The following ROR1 variants were observed in gnomAD, a reference collection of about 807,000 sequenced individuals.
The protein encoded by ROR1 is inactive tyrosine-protein kinase transmembrane receptor ROR1.
A neutral mutation model predicts 78.8 loss-of-function variants in ROR1; 19 were observed. The ratio of observed to expected loss-of-function variants is 0.24; its 90% CI spans 0.17 to 0.35. The LOEUF (loss-of-function observed/expected upper bound fraction) is 0.35. ROR1 is among the 10% of genes least tolerant of loss of function. The probability of loss-of-function intolerance (pLI) is 1.00; values close to 1 mark genes in which losing one functional copy is unlikely to be tolerated. For synonymous variants in ROR1, 386 were observed against 433.6 expected (o/e 0.89, Z 1.36); for missense variants, 917 against 1,177.8 (o/e 0.78, Z 3.24).
intron 1 of ROR1, among the ~76,000 whole-genome samples, chr1:63,895,889 A>T (rs1645435348): frequency 6.6e-6 from 1 of 152,116 alleles, no homozygotes; most frequent in Non-Finnish European, 1.5e-5. Context: ...TGCTCAGAAA[A>T]TAATACCCAG....
rs566669725 is a variant in ROR1, at chr1:64,050,114, A to G, written c.451+136A>G. ...CTGTGCCCACAACCCTAAACCTGGTATGGTTGTACCCATTTTACAAATAAG... is the reference window on the plus strand; with the variant it reads ...CTGTGCCCACAACCCTAAACCTGGTGTGGTTGTACCCATTTTACAAATAAG... On this transcript the variant is annotated intron_variant, in intron 3 of 8. Coordinates refer to ENST00000371079, the MANE Select transcript of ROR1 (RefSeq NM_005012.4). 9.6e-5 allele frequency: 95 copies of G among 987,212 alleles called. 1 individual carries two copies. The South Asian group carries it at 1.5e-3, about 15-fold the overall frequency. The allele number at this position is 987,212 out of a possible 1,614,324, so 61.2% of individuals were successfully genotyped here.
chr1:64,091,317 C>G (rs1041784646), intron 4 of ROR1, among the ~76,000 whole-genome samples: 11 of 152,176 alleles, frequency 7.2e-5, no homozygotes, highest in African/African-American at 2.7e-4. Flanking sequence ...AAAACAATAA[C>G]ATGTTTCTTT....
chr1:63,895,728 G>A (rs75123150), intron 1 of ROR1, among the ~76,000 whole-genome samples: 2,000 of 152,222 alleles, frequency 0.013, 46 homozygotes, highest in African/African-American at 0.047. Context: ...ATCATTAACC[G>A]TGAACATTTA....
At chr1:64,147,358 G>T (rs182702060) in intron 7 of ROR1, among the ~76,000 whole-genome samples, 1 of 146,602 alleles carries the variant, frequency 6.8e-6, no homozygotes, top group East Asian at 1.9e-4. Flanking sequence ...TCACCACTTA[G>T]ATTTTTTTTT....
At chr1:64,031,569 A>G (rs1646659860) in intron 2 of ROR1, among the ~76,000 whole-genome samples, 2 of 152,344 alleles carry the variant, frequency 1.3e-5, no homozygotes, top group Non-Finnish European at 2.9e-5. Context: ...GTCTCTTCAT[A>G]CAAATGGATC....
chr1:64,117,019 C>T lies in ROR1; in HGVS notation c.483-20350C>T, dbSNP rs900855796. On this transcript the variant is annotated intron_variant, in intron 4 of 8. Transcript: ENST00000371079. The stretch of plus-strand genomic sequence containing the variant: ...AAGTCTAACCTGCCTTTTGAACCCT[C>T]TATGTAGTGCTATAAAATAAATATG... 6.6e-5 allele frequency among the ~76,000 whole-genome samples: 10 copies of T among 152,292 alleles called. No homozygotes were observed. In the South Asian group the frequency reaches 2.1e-3, roughly 32 times the overall value.
chr1:64,087,945 C>G (rs17126184), intron 4 of ROR1, among the ~76,000 whole-genome samples: 22,699 of 152,150 alleles, frequency 0.15, 1,782 homozygotes, highest in Middle Eastern at 0.2. Flanking sequence ...AAGGCCAGTA[C>G]ACTGGGTGGC....
At chr1:64,050,082 ATGTACTCTG>A in intron 3 of ROR1, 104 bp downstream of exon 3, 2 of 1,293,024 alleles carry the variant, frequency 1.5e-6, no homozygotes, top group Non-Finnish European at 2.2e-6. Flanking sequence ...CTTAGTGAGA[ATGTACTCTG>A]TGCCCACAAC....
chr1:64,146,086 T>A (rs1649465110), intron 7 of ROR1, among the ~76,000 whole-genome samples: 1 of 152,198 alleles, frequency 6.6e-6, no homozygotes, highest in South Asian at 2.1e-4. Context: ...GGCTGGTCTC[T>A]AACTCCTGGG....
intron 4 of ROR1, chr1:64,107,009 C>T (rs1041786447): frequency 2.0e-5 from 3 of 152,504 alleles, no homozygotes; most frequent in African/African-American, 2.4e-5. Flanking sequence ...TTTCACAAGT[C>T]GTGTTACCCC....
chr1:63,867,107 A>T (rs927916268), intron 1 of ROR1, among the ~76,000 whole-genome samples: 1 of 152,054 alleles, frequency 6.6e-6, no homozygotes, highest in Admixed American at 6.6e-5. Flanking sequence ...CTGTATGGGG[A>T]CCTCTTTCTT....
At chr1:63,780,112 C>T (rs1174351703) in intron 1 of ROR1, among the ~76,000 whole-genome samples, 3 of 152,072 alleles carry the variant, frequency 2.0e-5, no homozygotes, top group Non-Finnish European at 4.4e-5. Flanking sequence ...TAAGCCAAGC[C>T]TCATAATGTT....
At position 64,065,934 on chromosome 1, in the gene ROR1, G is replaced by A. The variant is rs143186015; in HGVS notation, c.482+15218G>A. Among the ~76,000 whole-genome samples the A allele has an allele frequency of 6.3e-3, 961 of 152,278 alleles. 6 individuals carry two copies. Among genetic ancestry groups the A allele is most frequent in the Non-Finnish European group, 9.8e-3 (665 of 68,026 alleles). On this transcript the variant is annotated intron_variant, in intron 4 of 8. Coordinates refer to ENST00000371079, the MANE Select transcript of ROR1 (RefSeq NM_005012.4). ...GGGATCACCCTGTGCCTTTCAACCC[G>A]CTTGGCCTTGCTTAGTATGTAAGTC...
At chr1:63,864,174 T>A (rs1426759748) in intron 1 of ROR1, among the ~76,000 whole-genome samples, 5 of 152,200 alleles carry the variant, frequency 3.3e-5, no homozygotes, top group Non-Finnish European at 7.3e-5. Flanking sequence ...AAGTAAAACT[T>A]ATTCAAGATT....
At chr1:63,898,322 A>AG (rs1645457030) in intron 1 of ROR1, among the ~76,000 whole-genome samples, 1 of 151,480 alleles carries the variant, frequency 6.6e-6, no homozygotes, top group South Asian at 2.1e-4. Flanking sequence ...AAAGTAAAAA[A>AG]ATCGTTTTTC....
intron 1 of ROR1, among the ~76,000 whole-genome samples, chr1:63,925,282 C>T (rs934161684): frequency 9.3e-5 from 14 of 149,894 alleles, no homozygotes; most frequent in Non-Finnish European, 7.4e-5. Flanking sequence ...TTTGTTCTTG[C>T]GATAGTTTAC....
intron 1 of ROR1, among the ~76,000 whole-genome samples, chr1:63,946,279 G>T (rs1175175126): frequency 1.3e-5 from 2 of 152,130 alleles, no homozygotes; most frequent in Non-Finnish European, 2.9e-5. Context: ...GGGACTAGAA[G>T]GTTTGGGTAT....
At chr1:64,018,492 G>A (rs956922996) in intron 2 of ROR1, among the ~76,000 whole-genome samples, 9 of 152,120 alleles carry the variant, frequency 5.9e-5, no homozygotes, top group Admixed American at 2.6e-4. Flanking sequence ...ATCACACCTT[G>A]TTCCTCCCCA....
chr1:64,158,014 C>T (rs1345626518), intron 7 of ROR1, among the ~76,000 whole-genome samples: 1 of 152,148 alleles, frequency 6.6e-6, no homozygotes, highest in Non-Finnish European at 1.5e-5. Flanking sequence ...CATTATGTAA[C>T]CCCTCTAATT....
Sources: allele counts gnomAD v4.1 joint callset (sites outside exome capture counted in the v4.1 genomes callset), GRCh38; gene constraint gnomAD v4.1.1; transcripts MANE v1.5; gene names NCBI Gene and HGNC (gene_info 2026-07-23, HGNC 2026-07-21).